The following CREB5 variants were observed in gnomAD, a reference collection of about 807,000 sequenced individuals.
CREB5 encodes the protein cyclic AMP-responsive element-binding protein 5.
A neutral mutation model predicts 57.1 loss-of-function variants in CREB5; 19 were observed. That is an observed-to-expected ratio of 0.33 (90% CI 0.23 to 0.49). The LOEUF (loss-of-function observed/expected upper bound fraction) is 0.49, where lower values mean the gene tolerates loss of function less well. Ranked by LOEUF, CREB5 falls within the 20% of genes least tolerant of loss-of-function variation. The pLI is 0.99. For synonymous variants in CREB5, 238 were observed against 238.3 expected (o/e 1.00, Z 0.01); for missense variants, 579 against 671.6 (o/e 0.86, Z 1.52).
intron 1 of CREB5, among the ~76,000 whole-genome samples, chr7:28,395,036 C>T (rs2127998554): frequency 6.6e-6 from 1 of 152,228 alleles, no homozygotes; most frequent in African/African-American, 2.4e-5. Context: ...AAAAGGATGA[C>T]AGCTACTTCC....
At chr7:28,534,111 A>G (rs1421884629) in intron 4 of CREB5, among the ~76,000 whole-genome samples, 1 of 152,248 alleles carries the variant, frequency 6.6e-6, no homozygotes, top group Non-Finnish European at 1.5e-5. Context: ...CCTCAGGAAT[A>G]GGAATTTCCA....
chr7:28,521,012 T>C lies in CREB5; in HGVS notation c.291+13275T>C, dbSNP rs988693104. 1.6e-4 allele frequency among the ~76,000 whole-genome samples: 24 copies of C among 152,208 alleles called. 1 individual carries two copies. The highest frequency in any genetic ancestry group is 1.4e-3 in the Admixed American group (21 of 15,280). On this transcript the variant is annotated intron_variant, in intron 4 of 10. Coordinates refer to ENST00000357727, the MANE Select transcript of CREB5 (RefSeq NM_182898.4). ...TGCTCTGGGTCTCTCCAGTGTAGAC[T>C]ATTTATCTGTTTAAGTGGTATCACT... is the stretch of plus-strand genomic sequence containing the variant.
chr7:28,676,372 A>G (rs1385312022), intron 5 of CREB5, among the ~76,000 whole-genome samples: 1 of 152,166 alleles, frequency 6.6e-6, no homozygotes, highest in Admixed American at 6.5e-5. Flanking sequence ...GACAGTATTA[A>G]TATGACAAAG....
At chr7:28,641,963 C>T (rs1033686862) in intron 5 of CREB5, among the ~76,000 whole-genome samples, 9 of 152,162 alleles carry the variant, frequency 5.9e-5, no homozygotes, top group South Asian at 4.1e-4. Context: ...TGTGTGTGCA[C>T]GTGTTCCTGG....
intron 4 of CREB5, among the ~76,000 whole-genome samples, chr7:28,568,415 A>G (rs1225017452): frequency 6.6e-6 from 1 of 152,198 alleles, no homozygotes; most frequent in Non-Finnish European, 1.5e-5. Context: ...TGGTACCTAT[A>G]GTTTCTGACC....
At chr7:28,362,941 G>T (rs1327058392) in intron 1 of CREB5, among the ~76,000 whole-genome samples, 1 of 152,120 alleles carries the variant, frequency 6.6e-6, no homozygotes, top group Non-Finnish European at 1.5e-5. Flanking sequence ...TGTGTGCACA[G>T]GGTTTTAAAT....
At chr7:28,360,978 T>G (rs1014352328) in intron 1 of CREB5, among the ~76,000 whole-genome samples, 2 of 152,062 alleles carry the variant, frequency 1.3e-5, no homozygotes, top group Non-Finnish European at 2.9e-5. Flanking sequence ...GCTACCAGCA[T>G]CTAGTAGATA....
chr7:28,494,787 TTG>T, intron 2 of CREB5, 117 bp from the exon 3 acceptor site: 25 of 637,322 alleles, frequency 3.9e-5, no homozygotes, highest in Middle Eastern at 4.7e-4. Flanking sequence ...TTTTTTTTTT[TTG>T]TTTTGCCTGT....
intron 1 of CREB5, among the ~76,000 whole-genome samples, chr7:28,356,747 G>A (rs17642676): frequency 0.11 from 17,155 of 152,238 alleles, 1,198 homozygotes; most frequent in Middle Eastern, 0.16. Context: ...ACGGAGTGCT[G>A]TGTTTCGGCC....
intron 5 of CREB5, among the ~76,000 whole-genome samples, chr7:28,579,727 T>A (rs1796048840): frequency 6.6e-6 from 1 of 152,196 alleles, no homozygotes. Flanking sequence ...AATGTATTAT[T>A]TTTAGTCTAT....
intron 1 of CREB5, among the ~76,000 whole-genome samples, chr7:28,421,101 A>G (rs1322112015): frequency 1.3e-5 from 2 of 152,104 alleles, no homozygotes; most frequent in Admixed American, 6.5e-5. Context: ...GGAATACTGT[A>G]CATTGCACCC....
intron 5 of CREB5, among the ~76,000 whole-genome samples, chr7:28,635,112 C>T (rs1223518989): frequency 1.3e-5 from 2 of 152,134 alleles, no homozygotes; most frequent in African/African-American, 4.8e-5. Flanking sequence ...CATACCACTT[C>T]TAGTTAGTAG....
chr7:28,708,821 G>C (rs1426909434), intron 5 of CREB5, among the ~76,000 whole-genome samples: 1 of 152,196 alleles, frequency 6.6e-6, no homozygotes, highest in East Asian at 1.9e-4. Context: ...CCGTGTGACT[G>C]TGAGCTCAGG....
chr7:28,373,445 CTT>C (rs10713296), intron 1 of CREB5, among the ~76,000 whole-genome samples: 108 of 136,202 alleles, frequency 7.9e-4, no homozygotes, highest in East Asian at 1.5e-3. Flanking sequence ...TTTCTTTTTT[CTT>C]TTTTTTTTTT....
intron 4 of CREB5, among the ~76,000 whole-genome samples, chr7:28,560,953 T>TGC (rs1382287502): frequency 0.043 from 1,972 of 46,350 alleles, 183 homozygotes; most frequent in African/African-American, 0.076. Flanking sequence ...TGTGTGTGCG[T>TGC]GTGTGTGCGT....
At chr7:28,310,868 T>C (rs951498728) in intron 1 of CREB5, among the ~76,000 whole-genome samples, 7 of 152,208 alleles carry the variant, frequency 4.6e-5, no homozygotes, top group African/African-American at 1.7e-4. Flanking sequence ...TATCATCCAA[T>C]ATGCAGATCA....
At chr7:28,617,837 T>A (rs1562529890) in intron 5 of CREB5, among the ~76,000 whole-genome samples, 1 of 152,188 alleles carries the variant, frequency 6.6e-6, no homozygotes, top group Non-Finnish European at 1.5e-5. Context: ...CAACAAATAT[T>A]TATTCACATG....
chr7:28,600,022 T>C (rs746135663), intron 5 of CREB5, among the ~76,000 whole-genome samples: 6 of 152,132 alleles, frequency 3.9e-5, no homozygotes, highest in Non-Finnish European at 5.9e-5. Flanking sequence ...ACTCTGGGTG[T>C]AGGAGTGGGA....
chr7:28,770,720 C>T (rs1414273762), intron 7 of CREB5, among the ~76,000 whole-genome samples: 1 of 152,188 alleles, frequency 6.6e-6, no homozygotes, highest in Non-Finnish European at 1.5e-5. Context: ...CATCTTTTCT[C>T]TCACAAACTG....
Sources: gnomAD v4.1 joint callset for allele counts (sites outside exome capture counted in the v4.1 genomes callset) on GRCh38, gnomAD v4.1.1 for gene constraint, MANE v1.5 for transcripts, NCBI Gene and HGNC (gene_info 2026-07-23, HGNC 2026-07-21) for gene names.